SLIT2: variants seen among roughly 807,000 people sequenced by gnomAD.
SLIT2 encodes the protein slit homolog 2 protein.
In SLIT2, 41 loss-of-function variants were observed where a neutral mutation model predicts 185.7. The ratio of observed to expected loss-of-function variants is 0.22; its 90% CI spans 0.17 to 0.29. The LOEUF (loss-of-function observed/expected upper bound fraction) is 0.29, where lower values mean the gene tolerates loss of function less well. Ranked by LOEUF, SLIT2 falls within the 10% of genes least tolerant of loss-of-function variation. SLIT2 has a pLI of 1.00. For missense variants in SLIT2, 1,571 were observed against 1,909.0 expected, an observed-to-expected ratio of 0.82 and a Z score of 3.30; for synonymous variants, 693 against 680.2, an observed-to-expected ratio of 1.02 and a Z score of -0.29.
intron 4 of SLIT2, among the ~76,000 whole-genome samples, chr4:20,313,992 C>T (rs1718358637): frequency 6.6e-6 from 1 of 152,164 alleles, no homozygotes; most frequent in South Asian, 2.1e-4. Flanking sequence ...TATTTTTCAT[C>T]TCTTATGACT....
intron 4 of SLIT2, among the ~76,000 whole-genome samples, chr4:20,375,774 A>T (rs555355302): frequency 5.3e-5 from 8 of 151,962 alleles, no homozygotes; most frequent in African/African-American, 1.9e-4. Context: ...TTAATTTTAT[A>T]CTTTGTAGAT....
At chr4:20,454,231 C>T (rs923101814) in intron 4 of SLIT2, among the ~76,000 whole-genome samples, 17 of 152,240 alleles carry the variant, frequency 1.1e-4, no homozygotes, top group Middle Eastern at 3.4e-3. Flanking sequence ...GACTGTACTA[C>T]GTATAACTAG....
In SLIT2 at chr4:20,262,631, G is replaced by A. The variant is rs552102131; in HGVS notation, c.323+4692G>A. Among the ~76,000 whole-genome samples, 10 of 151,950 alleles carry A rather than the reference G, an allele frequency of 6.6e-5. No individual in the cohort carries two copies. The East Asian group carries it at 1.5e-3, about 24-fold the overall frequency. On this transcript the variant is annotated intron_variant, in intron 3 of 36. Coordinates refer to ENST00000504154, the MANE Select transcript of SLIT2 (RefSeq NM_004787.4). ...ATCATGGCAGTCATTTTCTTGGAAA[G>A]TCTCTTTAAAGGACACATCAAACTC...
chr4:20,596,607 T>G lies in SLIT2; in HGVS notation c.3513T>G (p.Leu1171=). 3.7e-6 allele frequency: 6 copies of G among 1,613,968 alleles called. No individual in the cohort carries two copies. Among genetic ancestry groups the G allele is most frequent in the Non-Finnish European group, 5.1e-6 (6 of 1,179,950 alleles). ...ATTTTATAAACAAAGAGTCTTATCTTCAGATTCCTTCAGCCAAGGTTCGGC... is the reference window on the plus strand; with the variant it reads ...ATTTTATAAACAAAGAGTCTTATCTGCAGATTCCTTCAGCCAAGGTTCGGC... ...SVNFINKESY[L]QIPSAKVRPQ... Residue 1171 remains leucine (L), a synonymous_variant, in exon 32 of 37, where the codon CTT becomes CTG. Coordinates refer to ENST00000504154, the MANE Select transcript of SLIT2 (RefSeq NM_004787.4).
chr4:20,455,793 G>T (rs980770938), intron 4 of SLIT2, among the ~76,000 whole-genome samples: 3 of 152,002 alleles, frequency 2.0e-5, no homozygotes, highest in African/African-American at 7.2e-5. Flanking sequence ...TTTTTGGTAT[G>T]TTAATTATAT....
intron 4 of SLIT2, among the ~76,000 whole-genome samples, chr4:20,319,462 A>G (rs1718861926): frequency 6.6e-6 from 1 of 152,320 alleles, no homozygotes; most frequent in South Asian, 2.1e-4. Flanking sequence ...AAAAGCAGGA[A>G]AAATATTAAA....
intron 9 of SLIT2, among the ~76,000 whole-genome samples, chr4:20,500,323 C>G (rs1718613528): frequency 6.6e-6 from 1 of 152,116 alleles, no homozygotes; most frequent in Non-Finnish European, 1.5e-5. Flanking sequence ...AAAATTTGAG[C>G]AATTCTACTT....
chr4:20,417,544 A>G (rs1291380114), intron 4 of SLIT2, among the ~76,000 whole-genome samples: 2 of 150,712 alleles, frequency 1.3e-5, no homozygotes, highest in African/African-American at 4.9e-5. Context: ...ATGTATATAT[A>G]TAGAGTCTTG....
chr4:20,448,185 T>A (rs186414257), intron 4 of SLIT2, among the ~76,000 whole-genome samples: 42 of 152,328 alleles, frequency 2.8e-4, no homozygotes, highest in African/African-American at 9.4e-4. Context: ...CATACTGATA[T>A]GCTAATAATG....
chr4:20,554,207 C>A, intron 26 of SLIT2: 1 of 580,946 alleles, frequency 1.7e-6, no homozygotes, highest in South Asian at 1.7e-5. Context: ...GAAAGTGTAT[C>A]AAAAAACGTA....
At chr4:20,467,552 A>G (rs1276434563) in intron 4 of SLIT2, among the ~76,000 whole-genome samples, 200 bp from the exon 5 acceptor site, 1 of 151,878 alleles carries the variant, frequency 6.6e-6, no homozygotes, top group South Asian at 2.1e-4. Context: ...TCAAGAAGCC[A>G]TTATTCCAAC....
At chr4:20,472,391 T>TATCTATATCTATATATATAGAC (rs1715357626) in intron 5 of SLIT2, among the ~76,000 whole-genome samples, 1 of 82,584 alleles carries the variant, frequency 1.2e-5, no homozygotes, top group Non-Finnish European at 2.2e-5. Context: ...TATATGTAGA[T>TATCTATATCTATATATATAGAC]ATATAGATAT....
chr4:20,439,764 A>G (rs1439622055), intron 4 of SLIT2, among the ~76,000 whole-genome samples: 1 of 152,164 alleles, frequency 6.6e-6, no homozygotes, highest in Non-Finnish European at 1.5e-5. Flanking sequence ...ACAATCTACT[A>G]ATATCTGAAC....
chr4:20,600,176 A>C (rs573821658), intron 33 of SLIT2, among the ~76,000 whole-genome samples: 2 of 152,122 alleles, frequency 1.3e-5, no homozygotes, highest in African/African-American at 4.8e-5. Context: ...TATTTTATGT[A>C]ATGGTGCAGC....
intron 33 of SLIT2, among the ~76,000 whole-genome samples, chr4:20,602,283 C>T (rs1050291018): frequency 6.6e-6 from 1 of 152,170 alleles, no homozygotes; most frequent in Admixed American, 6.5e-5. Flanking sequence ...TGTCATTTTC[C>T]AAACCAGACA....
chr4:20,456,205 C>G lies in SLIT2; in HGVS notation c.396-11547C>G, dbSNP rs1307328509. The stretch of plus-strand genomic sequence containing the variant: ...GAATGAAGGGTCCTCTTAATTTTTG[C>G]TCTTATTAACTGAAAACTTCTTAGT... On this transcript the variant is annotated intron_variant, in intron 4 of 36. Transcript: ENST00000504154. 2.0e-5 allele frequency among the ~76,000 whole-genome samples: 3 copies of G among 148,620 alleles called. No individual in the cohort carries two copies. The East Asian group carries it at 5.9e-4, about 29-fold the overall frequency.
At chr4:20,266,110 A>G (rs1051502466) in intron 3 of SLIT2, among the ~76,000 whole-genome samples, 4 of 151,894 alleles carry the variant, frequency 2.6e-5, no homozygotes, top group African/African-American at 9.7e-5. Context: ...ACAGTGAATT[A>G]GAACACATGT....
At chr4:20,309,845 C>T (rs531525871) in intron 4 of SLIT2, among the ~76,000 whole-genome samples, 5 of 150,772 alleles carry the variant, frequency 3.3e-5, no homozygotes, top group South Asian at 4.2e-4. Context: ...CTGCAAGCTC[C>T]GCCTCCCGGG....
chr4:20,338,810 T>C (rs544900313), intron 4 of SLIT2, among the ~76,000 whole-genome samples: 1 of 152,234 alleles, frequency 6.6e-6, no homozygotes, highest in Non-Finnish European at 1.5e-5. Flanking sequence ...TACTGTGGGC[T>C]GGGCAGAGTG....
Sources: allele counts gnomAD v4.1 joint callset (sites outside exome capture counted in the v4.1 genomes callset), GRCh38; gene constraint gnomAD v4.1.1; transcripts MANE v1.5; gene names NCBI Gene and HGNC (gene_info 2026-07-23, HGNC 2026-07-21).